The following OPRM1 variants were observed in gnomAD, a reference collection of about 807,000 sequenced individuals.
OPRM1 encodes the protein mu-type opioid receptor.
OPRM1 carries 27 observed loss-of-function variants against 31.8 expected under a neutral mutation model. The observed-to-expected ratio is 0.85, with a 90% confidence interval of 0.63 to 1.17. The LOEUF (loss-of-function observed/expected upper bound fraction) is 1.17. Ranked by LOEUF, OPRM1 falls within the 50% of genes most tolerant of loss-of-function variation. The probability of loss-of-function intolerance (pLI) is 0.00; values close to 1 mark genes in which losing one functional copy is unlikely to be tolerated. For missense variants in OPRM1, 536 were observed against 511.1 expected (o/e 1.05, Z -0.47); for synonymous variants, 196 against 189.9 (o/e 1.03, Z -0.26).
At chr6:154,140,651 G>A (rs538257805) in intron 3 of OPRM1, among the ~76,000 whole-genome samples, 83 of 152,220 alleles carry the variant, frequency 5.5e-4, no homozygotes, top group African/African-American at 2.0e-3. Flanking sequence ...GCACTACTTG[G>A]AGATGGACCT....
intron 3 of OPRM1, among the ~76,000 whole-genome samples, chr6:154,166,087 C>A (rs1799402252): frequency 6.6e-6 from 1 of 152,270 alleles, no homozygotes; most frequent in South Asian, 2.1e-4. Flanking sequence ...GAGCAAGCCA[C>A]ACCCAGATTC....
rs1797223001 is a variant in OPRM1 at position 154,120,117 on chromosome 6, A to C, written c.*1396A>C. Among the ~76,000 whole-genome samples the C allele has an allele frequency of 6.6e-6, 1 of 152,202 alleles. No individual in the cohort carries two copies. The highest frequency in any genetic ancestry group is 1.5e-5 in the Non-Finnish European group (1 of 68,026). On this transcript the variant is annotated 3_prime_UTR_variant, in exon 4 of 4. Coordinates refer to ENST00000330432, the MANE Select transcript of OPRM1 (RefSeq NM_000914.5). Reference sequence around the variant, plus strand: ...TCAGCATTGATTAAAAGAATCAAATACCTTGTAGTTATCTATGATGATACA... The same window carrying C: ...TCAGCATTGATTAAAAGAATCAAATCCCTTGTAGTTATCTATGATGATACA...
intron 3 of OPRM1, chr6:154,159,035 G>A (rs1360043036): frequency 6.6e-6 from 1 of 152,208 alleles, no homozygotes; most frequent in Non-Finnish European, 1.5e-5. Context: ...AAGGACAAGA[G>A]CAGTAGACAT....
intron 3 of OPRM1, among the ~76,000 whole-genome samples, chr6:154,100,709 G>T (rs1323042): frequency 0.49 from 74,596 of 151,130 alleles, 19,175 homozygotes; most frequent in East Asian, 0.8. Flanking sequence ...CACATTTTTT[G>T]TGTAAAATCA....
At position 154,124,033 on chromosome 6, in the gene OPRM1, G is replaced by T. The variant is rs989814167; in HGVS notation, c.*5312G>T. 2.6e-5 allele frequency among the ~76,000 whole-genome samples: 4 copies of T among 152,074 alleles called. No individual in the cohort carries two copies. The highest frequency in any genetic ancestry group is 9.7e-5 in the African/African-American group (4 of 41,418). On this transcript the variant is annotated 3_prime_UTR_variant, in exon 4 of 4. Transcript: ENST00000330432. ...CCCAGCCTCTATTCAAGATGGAGTC[G>T]CTCTGGTTCAAACACCTCTGACACT...
chr6:154,155,915 C>T (rs765534374), intron 3 of OPRM1: 2 of 152,130 alleles, frequency 1.3e-5, no homozygotes, highest in Admixed American at 1.3e-4. Context: ...ATCTCTGTGA[C>T]ATTGTTTGTG....
chr6:154,050,165 G>T (rs17181052), intron 1 of OPRM1, among the ~76,000 whole-genome samples: 16 of 152,140 alleles, frequency 1.1e-4, no homozygotes, highest in Non-Finnish European at 1.9e-4. Context: ...TTTTTATTAT[G>T]GCTTAGATCT....
intron 3 of OPRM1, among the ~76,000 whole-genome samples, chr6:154,218,719 C>T (rs138865945): frequency 2.5e-3 from 388 of 152,266 alleles, no homozygotes; most frequent in African/African-American, 9.0e-3. Context: ...TAATGAAACT[C>T]TATAATGATA....
intron 3 of OPRM1, among the ~76,000 whole-genome samples, chr6:154,143,944 G>A (rs957787070): frequency 6.6e-6 from 1 of 152,196 alleles, no homozygotes; most frequent in East Asian, 1.9e-4. Flanking sequence ...AAGAGAAAGA[G>A]AGAGAGAAAG....
intron 3 of OPRM1, among the ~76,000 whole-genome samples, chr6:154,241,158 C>G (rs1208540300): frequency 6.6e-6 from 1 of 150,836 alleles, no homozygotes; most frequent in African/African-American, 2.4e-5. Flanking sequence ...ATCGCTTGAA[C>G]CCGGGAGGCG....
intron 3 of OPRM1, among the ~76,000 whole-genome samples, chr6:154,150,192 G>T (rs887453358): frequency 5.9e-5 from 9 of 152,188 alleles, no homozygotes; most frequent in African/African-American, 1.9e-4. Context: ...AGCCATTTCA[G>T]CAGCATATTA....
At chr6:154,189,768 A>C (rs1801700759) in intron 3 of OPRM1, among the ~76,000 whole-genome samples, 2 of 152,072 alleles carry the variant, frequency 1.3e-5, no homozygotes, top group African/African-American at 4.8e-5. Context: ...CAGGAGTTTG[A>C]GTCCAGCCTG....
intron 3 of OPRM1, among the ~76,000 whole-genome samples, chr6:154,183,083 G>A (rs1196632931): frequency 6.6e-6 from 1 of 151,996 alleles, no homozygotes; most frequent in Admixed American, 6.6e-5. Context: ...AGGTTCAAGT[G>A]ATTCTCCTGC....
intron 1 of OPRM1, among the ~76,000 whole-genome samples, chr6:154,040,888 A>C (rs1779920078): frequency 6.6e-6 from 1 of 152,206 alleles, no homozygotes; most frequent in African/African-American, 2.4e-5. Flanking sequence ...CAAATACTAC[A>C]TGTGAATGTG....
intron 1 of OPRM1, among the ~76,000 whole-genome samples, chr6:154,021,513 T>C (rs1398534620): frequency 2.0e-5 from 3 of 152,214 alleles, no homozygotes; most frequent in Non-Finnish European, 2.9e-5. Context: ...GGGATTTTGA[T>C]TGGGTCTGCC....
At chr6:154,203,380 A>G (rs1220909089) in intron 3 of OPRM1, among the ~76,000 whole-genome samples, 1 of 152,162 alleles carries the variant, frequency 6.6e-6, no homozygotes, top group African/African-American at 2.4e-5. Flanking sequence ...CATTTTGTGT[A>G]TCAACTTACA....
At chr6:154,221,541 C>G (rs1778858515) in intron 3 of OPRM1, among the ~76,000 whole-genome samples, 1 of 152,162 alleles carries the variant, frequency 6.6e-6, no homozygotes, top group Admixed American at 6.5e-5. Flanking sequence ...ACGTCCAGAA[C>G]AGGGCTGAGT....
intron 3 of OPRM1, among the ~76,000 whole-genome samples, chr6:154,238,018 T>C (rs1179758599): frequency 2.0e-5 from 3 of 152,226 alleles, no homozygotes; most frequent in Non-Finnish European, 2.9e-5. Context: ...TTAGATTCTA[T>C]GCATTGGCAA....
intron 1 of OPRM1, among the ~76,000 whole-genome samples, chr6:154,045,270 C>T (rs1033634296): frequency 6.6e-6 from 1 of 151,838 alleles, no homozygotes; most frequent in Non-Finnish European, 1.5e-5. Flanking sequence ...GGGTAAATAC[C>T]AAGACTAAAT....
Sources: gnomAD v4.1 joint callset for allele counts (sites outside exome capture counted in the v4.1 genomes callset) on GRCh38, gnomAD v4.1.1 for gene constraint, MANE v1.5 for transcripts, NCBI Gene and HGNC (gene_info 2026-07-23, HGNC 2026-07-21) for gene names.